DNM1L: variants seen among roughly 807,000 people sequenced by gnomAD.
The protein encoded by DNM1L is dynamin 1L, also known as dynamin-1-like protein.
DNM1L carries 33 observed loss-of-function variants against 92.8 expected under a neutral mutation model. The observed-to-expected ratio is 0.36, with a 90% CI of 0.27 to 0.48. The LOEUF (loss-of-function observed/expected upper bound fraction) is 0.48, where lower values mean the gene tolerates loss of function less well. DNM1L is among the 20% of genes least tolerant of loss of function. The probability of loss-of-function intolerance (pLI) is 0.99; values close to 1 mark genes in which losing one functional copy is unlikely to be tolerated. For missense variants in DNM1L, 485 were observed against 888.8 expected (o/e 0.55, Z 5.78); for synonymous variants, 284 against 305.0 (o/e 0.93, Z 0.72).
chr12:32,722,095 G>C (rs1196483055), intron 8 of DNM1L, among the ~76,000 whole-genome samples: 1 of 152,074 alleles, frequency 6.6e-6, no homozygotes, highest in Non-Finnish European at 1.5e-5. Context: ...ATTGGCCATT[G>C]GTGATCAGCT....
intron 1 of DNM1L, among the ~76,000 whole-genome samples, chr12:32,691,602 C>T (rs887719494): frequency 2.0e-5 from 3 of 152,206 alleles, no homozygotes; most frequent in South Asian, 2.1e-4. Context: ...AGTCACATTC[C>T]GAGGTACTGG....
intron 1 of DNM1L, among the ~76,000 whole-genome samples, chr12:32,698,153 G>A (rs948995594): frequency 2.6e-5 from 4 of 152,070 alleles, no homozygotes; most frequent in Admixed American, 6.6e-5. Flanking sequence ...CTGCAGTTTC[G>A]CAGACATGTC....
rs529945653 is a variant in DNM1L at position 32,716,248 on chromosome 12, G to GGC, written c.620-2394_620-2393insCG. 3.7e-3 allele frequency among the ~76,000 whole-genome samples: 557 copies of GGC among 151,736 alleles called. 7 individuals carry two copies. The highest frequency in any genetic ancestry group is 0.013 in the African/African-American group (523 of 41,306). On this transcript the variant is annotated intron_variant, in intron 6 of 19. Transcript: ENST00000549701. ...TTAGCATAAGAAAATTTGGTGGGGG[G>GGC]GGGTGGCAATGTCTTGAGTTGGTTG...
At chr12:32,707,058 A>G (rs1952955486) in intron 2 of DNM1L, 2 of 269,284 alleles carry the variant, frequency 7.4e-6, no homozygotes, top group Non-Finnish European at 1.4e-5. Flanking sequence ...TACACAAAAA[A>G]ATATGAAGAG....
At chr12:32,699,662 C>G (rs1256893891) in intron 1 of DNM1L, among the ~76,000 whole-genome samples, 2 of 151,846 alleles carry the variant, frequency 1.3e-5, no homozygotes, top group Non-Finnish European at 2.9e-5. Context: ...GGCGTGGTGT[C>G]ACACGCCTGT....
At position 32,689,242 on chromosome 12, in the gene DNM1L, G is replaced by C. The variant is rs534232910; in HGVS notation, c.102+9777G>C. Among the ~76,000 whole-genome samples, 12 of 152,230 alleles carry C rather than the reference G, an allele frequency of 7.9e-5. No homozygotes were observed. The East Asian group carries it at 2.3e-3, about 29-fold the overall frequency. On this transcript the variant is annotated intron_variant, in intron 1 of 19. Transcript: ENST00000549701. ...GGCAGAGTTTCGCTCTCGTTGCCCA[G>C]GCTGGATTGCAATGGCGTGATCCTG...
chr12:32,692,371 G>C (rs1437693710), intron 1 of DNM1L: 19 of 152,146 alleles, frequency 1.2e-4, no homozygotes, highest in Admixed American at 1.2e-3. Context: ...GAGTCTCCAA[G>C]AGTCAGTCAC....
intron 9 of DNM1L, among the ~76,000 whole-genome samples, chr12:32,723,319 C>G (rs1953890295): frequency 1.3e-5 from 2 of 152,076 alleles, no homozygotes; most frequent in Admixed American, 1.3e-4. Context: ...TATAACAAGA[C>G]CAGGTATTAT....
At chr12:32,684,941 ATTTT>A (rs113634833) in intron 1 of DNM1L, among the ~76,000 whole-genome samples, 1 of 137,552 alleles carries the variant, frequency 7.3e-6, no homozygotes. Flanking sequence ...GTGAATGTGT[ATTTT>A]TTTTTTTTTT....
chr12:32,700,131 T>C (rs1256106234), intron 1 of DNM1L, among the ~76,000 whole-genome samples: 1 of 146,508 alleles, frequency 6.8e-6, no homozygotes, highest in Non-Finnish European at 1.5e-5. Context: ...TAGCTATTTC[T>C]TTTTTTTGAG....
chr12:32,716,795 C>T (rs1458890089), intron 6 of DNM1L, among the ~76,000 whole-genome samples: 1 of 144,750 alleles, frequency 6.9e-6, no homozygotes, highest in Admixed American at 7.0e-5. Context: ...TATTTCACTA[C>T]CCATCTGAGA....
At chr12:32,723,765 G>A (rs972342667) in intron 9 of DNM1L, among the ~76,000 whole-genome samples, 27 of 145,168 alleles carry the variant, frequency 1.9e-4, no homozygotes, top group African/African-American at 6.7e-4. Flanking sequence ...GATGAACTAC[G>A]GCTACCAAAA....
At chr12:32,695,366 T>G (rs1299624895) in intron 1 of DNM1L, among the ~76,000 whole-genome samples, 1 of 151,702 alleles carries the variant, frequency 6.6e-6, no homozygotes, top group African/African-American at 2.4e-5. Context: ...ACAAAAACTG[T>G]GAGATATTAA....
In DNM1L at chr12:32,743,414, GAA is replaced by G. The variant is rs549896654; in HGVS notation, c.*5_*6del. On this transcript the variant is annotated 3_prime_UTR_variant, in exon 20 of 20. Transcript: ENST00000549701. The stretch of plus-strand genomic sequence containing the variant: ...CCGGGAGACTCATCTTTGGTGAAGA[GAA>G]CTATGTAATACTGAGACTTTGTTGA... 4.4e-4 allele frequency: 706 copies of G among 1,613,912 alleles called. 6 individuals are homozygous for G. In the African/African-American group the frequency reaches 8.0e-3, roughly 18 times the overall value.
intron 5 of DNM1L, 58 bp from the exon 6 acceptor site, chr12:32,713,151 T>G (rs1361159944): frequency 1.3e-6 from 2 of 1,590,430 alleles, no homozygotes; most frequent in African/African-American, 2.7e-5. Flanking sequence ...TAAATGTGGG[T>G]AAAAAAGCTG....
intron 2 of DNM1L, chr12:32,706,902 G>A: frequency 3.4e-6 from 1 of 297,242 alleles, no homozygotes; most frequent in Non-Finnish European, 6.6e-6. Context: ...TGAGTCATAT[G>A]TGTACATCTG....
intron 12 of DNM1L, chr12:32,733,499 C>A: frequency 1.9e-6 from 1 of 517,086 alleles, no homozygotes; most frequent in African/African-American, 1.9e-5. Flanking sequence ...CTTAGAAATG[C>A]AGTTTTAGAT....
Position 32,715,118 on chromosome 12 carries a change from G to C in DNM1L, c.619+1747G>C, listed in dbSNP as rs888055990. On this transcript the variant is annotated intron_variant, in intron 6 of 19. Coordinates refer to ENST00000549701, the MANE Select transcript of DNM1L (RefSeq NM_012062.5). ...CTTTTTTTTTTTTTTTTGGATGTAG[G>C]GTCTCACTCTGTTGCCCAGGCCTGG... Among the ~76,000 whole-genome samples the C allele has an allele frequency of 5.3e-4, 78 of 148,356 alleles. 3 individuals are homozygous for C. Among genetic ancestry groups the C allele is most frequent in the Non-Finnish European group, 1.5e-5 (1 of 67,278 alleles).
Position 32,731,627 on chromosome 12 carries a change from C to A in DNM1L, c.1356+116C>A. 1 of 1,335,210 alleles carries A rather than the reference C, an allele frequency of 7.5e-7. No homozygotes were observed. Among genetic ancestry groups the A allele is most frequent in the East Asian group, 2.4e-5 (1 of 41,500 alleles). 82.7% of individuals were successfully genotyped at this position (1,335,210 alleles called of 1,614,324 possible). The stretch of plus-strand genomic sequence containing the variant: ...GATACAAGGTAAAATCTGTAGTTCC[C>A]TTACCTGAAAGTGATTTGAAATAGG... On this transcript the variant is annotated intron_variant, in intron 11 of 19. Coordinates refer to ENST00000549701, the MANE Select transcript of DNM1L (RefSeq NM_012062.5). The surrounding 1 kb of genome is among the most constrained non-coding windows in gnomAD (Gnocchi z 5.1).
Sources: allele counts gnomAD v4.1 joint callset (sites outside exome capture counted in the v4.1 genomes callset), GRCh38; gene constraint gnomAD v4.1.1; non-coding constraint Gnocchi (gnomAD v3.1); transcripts MANE v1.5; gene names NCBI Gene and HGNC (gene_info 2026-07-23, HGNC 2026-07-21).